Variants in PTPDC1 observed in about 807,000 individuals in gnomAD.
PTPDC1 encodes the protein protein tyrosine phosphatase domain containing 1.
PTPDC1 carries 53 observed loss-of-function variants against 75.3 expected under a neutral mutation model. The observed-to-expected ratio is 0.70, with a 90% CI of 0.56 to 0.88. PTPDC1 has a LOEUF of 0.88. Ranked by LOEUF, PTPDC1 falls within the 40% of genes least tolerant of loss-of-function variation. The pLI, the probability that PTPDC1 is intolerant of heterozygous loss-of-function variation, is 0.00. For missense variants in PTPDC1, 925 were observed against 998.6 expected, an observed-to-expected ratio of 0.93 and a Z score of 0.99; for synonymous variants, 349 against 366.2, an observed-to-expected ratio of 0.95 and a Z score of 0.54.
chr9:94,038,772 C>T (rs1228597244), intron 1 of PTPDC1, among the ~76,000 whole-genome samples: 1 of 152,116 alleles, frequency 6.6e-6, no homozygotes, highest in African/African-American at 2.4e-5. Context: ...TGTTCATTTG[C>T]CTCTTAAAGG....
chr9:94,082,635 C>G (rs1214972972), upstream of PTPDC1, among the ~76,000 whole-genome samples: 1 of 152,166 alleles, frequency 6.6e-6, no homozygotes, highest in Non-Finnish European at 1.5e-5. Context: ...AAGGTATATT[C>G]ACAGCACCTC....
chr9:94,039,529 CACCTGTAAT>C (rs1825369607), intron 1 of PTPDC1, among the ~76,000 whole-genome samples: 1 of 152,118 alleles, frequency 6.6e-6, no homozygotes, highest in Non-Finnish European at 1.5e-5. Context: ...CTGTGGCTCA[CACCTGTAAT>C]GCCAGGAGGC....
chr9:94,104,673 A>G (rs1294316085), intron 8 of PTPDC1, among the ~76,000 whole-genome samples: 1 of 152,218 alleles, frequency 6.6e-6, no homozygotes, highest in Non-Finnish European at 1.5e-5. Flanking sequence ...AGTGTTGAAT[A>G]CATATTTTTA....
At chr9:94,101,511 C>T in intron 6 of PTPDC1, 55 bp from the exon 7 acceptor site, 1 of 1,398,602 alleles carries the variant, frequency 7.2e-7, no homozygotes, top group African/African-American at 1.4e-5. Flanking sequence ...GTGCACCTCC[C>T]TCTCCTCTCC....
At chr9:94,075,292 A>G (rs1349584292) in intron 2 of PTPDC1, among the ~76,000 whole-genome samples, 1 of 152,202 alleles carries the variant, frequency 6.6e-6, no homozygotes, top group East Asian at 1.9e-4. Flanking sequence ...TAGACACAGT[A>G]GAAGATGAGA....
In PTPDC1 at chr9:94,076,723, G is replaced by T. The variant is rs1826703935; in HGVS notation, c.83-8528G>T. 2.6e-5 allele frequency among the ~76,000 whole-genome samples: 4 copies of T among 152,114 alleles called. No homozygotes were observed. In the South Asian group the frequency reaches 8.3e-4, roughly 31 times the overall value. On this transcript the variant is annotated intron_variant, in intron 2 of 9. Coordinates refer to the PTPDC1 transcript ENST00000375360. ...TAGGAGGAAAGAACTGGGTCATATG[G>T]TAACTCTGTTTAATCATTTGAGGAA...
chr9:94,094,279 T>C (rs1475381465), intron 4 of PTPDC1, among the ~76,000 whole-genome samples: 1 of 151,592 alleles, frequency 6.6e-6, no homozygotes, highest in African/African-American at 2.4e-5. Context: ...TCCTTTCTGT[T>C]TGTTAGTTTT....
At chr9:94,047,898 A>T (rs578141113) in intron 1 of PTPDC1, among the ~76,000 whole-genome samples, 1 of 152,348 alleles carries the variant, frequency 6.6e-6, no homozygotes, top group East Asian at 1.9e-4. Flanking sequence ...TAGACCAATT[A>T]CAGGCTCTGA....
intron 4 of PTPDC1, among the ~76,000 whole-genome samples, chr9:94,089,186 G>C: frequency 7.1e-6 from 1 of 140,534 alleles, no homozygotes. Flanking sequence ...CCACTAACTC[G>C]TCATCTAGCA....
chr9:94,083,868 C>A (rs563758473), upstream of PTPDC1, among the ~76,000 whole-genome samples: 12 of 152,252 alleles, frequency 7.9e-5, no homozygotes, highest in South Asian at 2.5e-3. Flanking sequence ...TGAAAATGAA[C>A]ACATGAAGTT....
intron 2 of PTPDC1, among the ~76,000 whole-genome samples, chr9:94,071,725 A>G (rs1489035465): frequency 6.6e-6 from 1 of 152,212 alleles, no homozygotes; most frequent in Non-Finnish European, 1.5e-5. Context: ...CCTCTTTTTC[A>G]GGATCATCTT....
At chr9:94,073,044 G>A (rs1826566936) in intron 2 of PTPDC1, among the ~76,000 whole-genome samples, 1 of 152,086 alleles carries the variant, frequency 6.6e-6, no homozygotes, top group Non-Finnish European at 1.5e-5. Flanking sequence ...AAAAGGAGGT[G>A]GGAAATGTTC....
chr9:94,098,801 A>G (rs1400342487), intron 6 of PTPDC1: 6 of 558,654 alleles, frequency 1.1e-5, no homozygotes, highest in African/African-American at 5.7e-5. Context: ...TCAAGAAAGC[A>G]CTTGGTGTGA....
At chr9:94,063,473 G>A (rs1826205850) in intron 1 of PTPDC1, among the ~76,000 whole-genome samples, 2 of 152,020 alleles carry the variant, frequency 1.3e-5, no homozygotes, top group South Asian at 4.1e-4. Context: ...ATAAAATTTT[G>A]CATTAATTAG....
chr9:94,087,847 C>G lies in PTPDC1; in HGVS notation c.433C>G (p.Leu145Val), dbSNP rs772986412. 7 of 1,613,614 alleles carry G rather than the reference C, an allele frequency of 4.3e-6. No individual in the cohort carries two copies. The highest frequency in any genetic ancestry group is 1.7e-4 in the Middle Eastern group (1 of 6,056). ...VYSSWVTDNI[L>V]AMARPSSELL... ...TATTTGCAGGGTCACTGATAATATA[C>G]TGGCCATGGCCCGCCCATCCTCTGA... Residue 145 changes from leucine (L) to valine (V), a missense_variant, in exon 3 of 9, where the codon CTG becomes GTG. Coordinates refer to ENST00000620992, the MANE Select transcript of PTPDC1 (RefSeq NM_001253829.2).
At chr9:94,101,181 CT>C (rs1827825833) in intron 6 of PTPDC1, 1 of 158,930 alleles carries the variant, frequency 6.3e-6, no homozygotes, top group African/African-American at 2.4e-5. Flanking sequence ...AAAAATAGTT[CT>C]GTTTTGTTCA....
At chr9:94,039,519 C>A (rs1825369224) in intron 1 of PTPDC1, among the ~76,000 whole-genome samples, 1 of 152,086 alleles carries the variant, frequency 6.6e-6, no homozygotes, top group Admixed American at 6.6e-5. Context: ...GGGTCGGGTG[C>A]TGTGGCTCAC....
intron 3 of PTPDC1, 58 bp from the exon 4 acceptor site, chr9:94,088,087 G>C: frequency 6.3e-7 from 1 of 1,579,146 alleles, no homozygotes; most frequent in Non-Finnish European, 8.6e-7. Context: ...TACCAAAAAT[G>C]GTTAATTTTT....
intron 7 of PTPDC1, among the ~76,000 whole-genome samples, chr9:94,102,002 A>G (rs1827858796): frequency 6.6e-6 from 1 of 152,216 alleles, no homozygotes; most frequent in African/African-American, 2.4e-5. Flanking sequence ...TTTTAAACTT[A>G]CCAATATGTA....
Sources: allele counts gnomAD v4.1 joint callset (sites outside exome capture counted in the v4.1 genomes callset), GRCh38; gene constraint gnomAD v4.1.1; transcripts MANE v1.5; gene names NCBI Gene and HGNC (gene_info 2026-07-23, HGNC 2026-07-21).